Variants in HTT observed in about 807,000 individuals in gnomAD.
HTT encodes the protein huntingtin.
A neutral mutation model predicts 362.3 loss-of-function variants in HTT; 104 were observed. The observed-to-expected ratio is 0.29, with a 90% CI of 0.24 to 0.34. The LOEUF (loss-of-function observed/expected upper bound fraction) is 0.34, where lower values mean the gene tolerates loss of function less well. Among genes scored for constraint, HTT ranks in the 10% least tolerant of loss-of-function variants. The pLI is 1.00. For synonymous variants in HTT, 1,577 were observed against 1,548.7 expected, an observed-to-expected ratio of 1.02 and a Z score of -0.43; for missense variants, 3,301 against 3,928.6, an observed-to-expected ratio of 0.84 and a Z score of 4.27.
chr4:3,232,156 TGA>T (rs1385991743), intron 60 of HTT, among the ~76,000 whole-genome samples: 1 of 152,044 alleles, frequency 6.6e-6, no homozygotes, highest in East Asian at 1.9e-4. Context: ...GTTGTGCGTG[TGA>T]GGGGATAGCA....
At position 3,130,073 on chromosome 4, in the gene HTT, A is replaced by G. The variant is rs768709124; in HGVS notation, c.1867+26A>G. 40 of 1,564,666 alleles carry G rather than the reference A, an allele frequency of 2.6e-5. 1 individual carries two copies. The highest frequency in any genetic ancestry group is 1.7e-4 in the Middle Eastern group (1 of 5,844). On this transcript the variant is annotated intron_variant, in intron 13 of 66. Coordinates refer to ENST00000355072, the MANE Select transcript of HTT (RefSeq NM_001388492.1). ...GTATGTGGACTACAGGTGATGCGCT[A>G]CAAAGTGGTTTGTATTCAGACCTGG... is the stretch of plus-strand genomic sequence containing the variant.
chr4:3,214,158 T>TG (rs1482199319), intron 50 of HTT, 23 bp downstream of exon 50: 3 of 1,446,110 alleles, frequency 2.1e-6, no homozygotes, highest in Admixed American at 2.3e-5. Context: ...CCATGAACGG[T>TG]GGGTTCCTAT....
intron 10 of HTT, among the ~76,000 whole-genome samples, chr4:3,124,219 T>C (rs1420396159): frequency 6.6e-6 from 1 of 152,232 alleles, no homozygotes; most frequent in Admixed American, 6.5e-5. Context: ...GACGTGTGAC[T>C]AAGTTACGCT....
rs549028339 is a variant in HTT at position 3,140,556 on chromosome 4, C to G, written c.2845C>G (p.Pro949Ala). The change falls in exon 22 of 67, where the codon CCA becomes GCA. Residue 949 changes from proline (P) to alanine (A), a missense_variant. Physicochemically the swap from Pro to Ala is conservative, Grantham distance 27. Transcript: ENST00000355072. The stretch of plus-strand genomic sequence containing the variant: ...TAAATGTGACCAAGGACAAGCTGAT[C>G]CAGTAGTGGCCGTGGCAAGAGATCA... The part of the protein sequence containing the change: ...FYKCDQGQAD[P>A]VVAVARDQSS... 6.2e-7 allele frequency: 1 copy of G among 1,613,998 alleles called. No homozygotes were observed. Among genetic ancestry groups the G allele is most frequent in the Non-Finnish European group, 8.5e-7 (1 of 1,179,874 alleles).
In HTT at chr4:3,173,013, G is replaced by A. The variant is rs773417425; in HGVS notation, c.4048G>A (p.Val1350Met). 2 of 1,614,044 alleles carry A rather than the reference G, an allele frequency of 1.2e-6. No individual in the cohort carries two copies. Among genetic ancestry groups the A allele is most frequent in the African/African-American group, 1.3e-5 (1 of 74,924 alleles). ...GRAQRLGSSS[V>M]RPGLYHYCFM... ...AGCACAGCGCCTTGGCTCCTCCAGT[G>A]TGAGGCCAGGCTTGTACCACTACTG... The change falls in exon 31 of 67, where the codon GTG (valine) becomes ATG (methionine). Residue 1350 changes from valine to methionine, a missense_variant. Val to Met is a conservative substitution (Grantham distance 21). Transcript: ENST00000355072.
rs1000275260 is a variant in HTT at position 3,121,626 on chromosome 4, A to G, written c.1273+194A>G. 6.1e-6 allele frequency: 3 copies of G among 488,460 alleles called. No individual in the cohort carries two copies. In the East Asian group the frequency reaches 1.1e-4, roughly 18 times the overall value. 30.3% of individuals were successfully genotyped at this position (488,460 alleles called of 1,614,324 possible). ...TGTGGTGGCTCACGCCTGTAATTTC[A>G]GCACTTTGGAAGGATCGCTTCAGCC... On this transcript the variant is annotated intron_variant, in intron 9 of 66. Coordinates refer to ENST00000355072, the MANE Select transcript of HTT (RefSeq NM_001388492.1).
intron 2 of HTT, among the ~76,000 whole-genome samples, chr4:3,095,908 C>T (rs1332267102): frequency 3.3e-5 from 5 of 152,302 alleles, no homozygotes; most frequent in South Asian, 4.1e-4. Context: ...TCAAAAAGGA[C>T]ATTACATGTA....
In HTT at chr4:3,127,447, T is replaced by C. The variant is rs1715573069; in HGVS notation, c.1586T>C (p.Ile529Thr). The C allele has an allele frequency of 6.2e-7, 1 of 1,613,882 alleles. No homozygotes were observed. The highest frequency in any genetic ancestry group is 1.3e-5 in the African/African-American group (1 of 74,836). Residue 529 changes from isoleucine to threonine, a missense_variant, in exon 12 of 67, where the codon ATC becomes ACC. Ile to Thr is a moderately conservative substitution (Grantham distance 89). This residue lies in a region of HTT where 2,316 missense variants were observed against 2,658.5 expected (regional missense o/e 0.87). Transcript: ENST00000355072. ...SSATDGDEEDILSHSSSQVSA... is the reference protein window; with the variant it reads ...SSATDGDEEDTLSHSSSQVSA... ...GCCACTGATGGGGATGAGGAGGATATCTTGAGCCACAGCTCCAGCCAGGTC... is the reference window on the plus strand; with the variant it reads ...GCCACTGATGGGGATGAGGAGGATACCTTGAGCCACAGCTCCAGCCAGGTC...
chr4:3,155,728 C>CGAA (rs1553915701), intron 27 of HTT, among the ~76,000 whole-genome samples: 1 of 49,648 alleles, frequency 2.0e-5, no homozygotes, highest in African/African-American at 7.1e-5. Flanking sequence ...AAAAATACCA[C>CGAA]AAAAAAAAAA....
chr4:3,223,206 T>G (rs362319), intron 54 of HTT, among the ~76,000 whole-genome samples, 200 bp from the exon 55 acceptor site: 70,373 of 152,202 alleles, frequency 0.46, 16,850 homozygotes, highest in African/African-American at 0.56. Context: ...AAAAATGGGC[T>G]TTTGCCCATC....
chr4:3,095,175 CG>C (rs1292116702), intron 2 of HTT, among the ~76,000 whole-genome samples: 1 of 152,208 alleles, frequency 6.6e-6, no homozygotes, highest in African/African-American at 2.4e-5. Flanking sequence ...CCAAGGCAGG[CG>C]GCTGGGAGGT....
At chr4:3,085,026 A>T (rs4690071) in intron 1 of HTT, among the ~76,000 whole-genome samples, 50,623 of 151,640 alleles carry the variant, frequency 0.33, 8,802 homozygotes, top group East Asian at 0.42. Context: ...GGGAAAAAAA[A>T]AAATAAATAA....
intron 11 of HTT, 52 bp from the exon 12 acceptor site, chr4:3,127,212 T>C: frequency 8.3e-6 from 11 of 1,332,204 alleles, no homozygotes; most frequent in Non-Finnish European, 9.7e-6. Context: ...TGTGATTCCC[T>C]ATTGAATGTT....
At chr4:3,112,917 G>T in intron 6 of HTT, 1 of 364,798 alleles carries the variant, frequency 2.7e-6, no homozygotes, top group Non-Finnish European at 3.8e-6. Context: ...TGGAATTGCT[G>T]ATGCTTTTAC....
intron 25 of HTT, among the ~76,000 whole-genome samples, chr4:3,147,389 G>A (rs1379962430): frequency 6.6e-6 from 1 of 152,186 alleles, no homozygotes; most frequent in Non-Finnish European, 1.5e-5. Context: ...TGGTAGGAAA[G>A]AGCACAACAC....
At chr4:3,123,504 AC>A (rs1715385730) in intron 10 of HTT, 1 of 152,168 alleles carries the variant, frequency 6.6e-6, no homozygotes, top group Admixed American at 6.5e-5. Context: ...ACATAGTGAG[AC>A]CCGGTCTCTA....
Position 3,146,815 on chromosome 4 carries a change from C to T in HTT, c.3162C>T (p.Ala1054=), listed in dbSNP as rs748808337. The change falls in exon 25 of 67, where the codon GCC becomes GCT. Residue 1054 remains alanine (A), a synonymous_variant. Coordinates refer to ENST00000355072, the MANE Select transcript of HTT (RefSeq NM_001388492.1). ...GWHCGVPPLS[A]SDESRKSCTV... is the part of the protein sequence containing the mutation. ...CTTCCAGAGTGCCTCCACTGAGTGC[C>T]TCAGATGAGTCTAGGAAGAGCTGTA... is the stretch of plus-strand genomic sequence containing the variant. 1 of 1,614,128 alleles carries T rather than the reference C, an allele frequency of 6.2e-7. No homozygotes were observed. Among genetic ancestry groups the T allele is most frequent in the Non-Finnish European group, 8.5e-7 (1 of 1,179,984 alleles).
At chr4:3,210,824 A>G (rs960208047) in intron 47 of HTT, among the ~76,000 whole-genome samples, 1 of 151,992 alleles carries the variant, frequency 6.6e-6, no homozygotes, top group African/African-American at 2.4e-5. Flanking sequence ...GCAACACAAC[A>G]GTGTGTTCTG....
At chr4:3,217,639 G>T in intron 51 of HTT, 126 bp from the exon 52 acceptor site, 1 of 760,052 alleles carries the variant, frequency 1.3e-6, no homozygotes, top group South Asian at 1.8e-5. Flanking sequence ...GCCTTCAGTG[G>T]CCAACTCAGA....
Sources: allele counts gnomAD v4.1 joint callset (sites outside exome capture counted in the v4.1 genomes callset), GRCh38; gene constraint gnomAD v4.1.1; regional missense constraint gnomAD v4.1.1; transcripts MANE v1.5; gene names NCBI Gene and HGNC (gene_info 2026-07-23, HGNC 2026-07-21).